PGBD5: variants seen among roughly 807,000 people sequenced by gnomAD.
PGBD5 encodes the protein piggyBac transposable element derived 5.
In PGBD5, 14 loss-of-function variants were observed where a neutral mutation model predicts 47.9. The observed-to-expected ratio is 0.29, with a 90% CI of 0.19 to 0.46. The LOEUF is 0.46. Ranked by LOEUF, PGBD5 falls within the 20% of genes least tolerant of loss-of-function variation. The pLI is 1.00. For missense variants in PGBD5, 635 were observed against 716.0 expected (o/e 0.89, Z 1.29); for synonymous variants, 316 against 306.3 (o/e 1.03, Z -0.33).
chr1:230,333,516 A>T (rs1667256399), intron 4 of PGBD5, among the ~76,000 whole-genome samples: 2 of 152,198 alleles, frequency 1.3e-5, no homozygotes, highest in South Asian at 4.1e-4. Context: ...AAAGACAGGC[A>T]TGAAGCCCAG....
Position 230,335,869 on chromosome 1 carries a change from G to GACACAGA in PGBD5, c.1075+1238_1075+1239insTCTGTGT, listed in dbSNP as rs1558192922. The stretch of plus-strand genomic sequence containing the variant: ...CAGACACACAGATACACACACAGAT[G>GACACAGA]CATACACGGACACACAGATGCATAC... On this transcript the variant is annotated intron_variant, in intron 4 of 6. Coordinates refer to ENST00000391860, the MANE Select transcript of PGBD5 (RefSeq NM_001258311.2). Among the ~76,000 whole-genome samples, 7 of 5,626 alleles carry GACACAGA rather than the reference G, an allele frequency of 1.2e-3. 3 individuals carry two copies. Among genetic ancestry groups the GACACAGA allele is most frequent in the Non-Finnish European group, 8.6e-3 (6 of 694 alleles). The allele number at this position is 5,626 out of a possible 152,430, so 3.7% of individuals were successfully genotyped here. A position where few individuals can be genotyped will look rare whatever the true frequency, so the allele number is the denominator to read the frequency against.
At chr1:230,335,069 GCACA>G (rs1174274316) in intron 4 of PGBD5, among the ~76,000 whole-genome samples, 6 of 133,736 alleles carry the variant, frequency 4.5e-5, no homozygotes, top group Non-Finnish European at 9.5e-5. Context: ...AAACACAGAT[GCACA>G]CACAGACACA....
intron 1 of PGBD5, among the ~76,000 whole-genome samples, chr1:230,358,399 C>T (rs1667691334): frequency 6.6e-6 from 1 of 152,162 alleles, no homozygotes; most frequent in Admixed American, 6.6e-5. Flanking sequence ...AAGTAAAACG[C>T]TTTCATCACT....
rs370643727 is a variant in PGBD5, at chr1:230,425,255, G to A, written c.331+343C>T. On this transcript the variant is annotated intron_variant, in intron 1 of 6. Transcript: ENST00000391860. This position sits in a 1 kb window ranked among gnomAD's most constrained non-coding sequence, Gnocchi z 4.7. ...GCTTTCAGAAAAGCCCCCTCAACTA[G>A]GAAAGCCTAACTTCAATCCACCCCT... 2.5e-4 allele frequency among the ~76,000 whole-genome samples: 38 copies of A among 152,200 alleles called. No homozygotes were observed. The highest frequency in any genetic ancestry group is 9.2e-4 in the African/African-American group (38 of 41,520).
intron 1 of PGBD5, among the ~76,000 whole-genome samples, chr1:230,358,524 A>G (rs1667693450): frequency 6.6e-6 from 1 of 152,126 alleles, no homozygotes; most frequent in Non-Finnish European, 1.5e-5. Context: ...ATAATTTCAC[A>G]TATAGGATAA....
rs191856617 is a variant in PGBD5 at position 230,389,374 on chromosome 1, T to C, written c.332-32053A>G. Reference sequence around the variant, plus strand: ...TTTTGGTAGAGACGGGGTTTCACCATGTTGGCCAGTCTGGTCTCGGACTCC... The same window carrying C: ...TTTTGGTAGAGACGGGGTTTCACCACGTTGGCCAGTCTGGTCTCGGACTCC... On this transcript the variant is annotated intron_variant, in intron 1 of 6. Coordinates refer to ENST00000391860, the MANE Select transcript of PGBD5 (RefSeq NM_001258311.2). 4.1e-3 allele frequency among the ~76,000 whole-genome samples: 623 copies of C among 152,138 alleles called. 4 individuals are homozygous for C. Among genetic ancestry groups the C allele is most frequent in the African/African-American group, 0.012 (514 of 41,510 alleles).
At position 230,413,647 on chromosome 1, in the gene PGBD5, G is replaced by T. The variant is rs142799496; in HGVS notation, c.331+11951C>A. 4.2e-3 allele frequency among the ~76,000 whole-genome samples: 644 copies of T among 152,140 alleles called. 5 individuals carry two copies. The highest frequency in any genetic ancestry group is 4.5e-3 in the Non-Finnish European group (307 of 67,994). On this transcript the variant is annotated intron_variant, in intron 1 of 6. Transcript: ENST00000391860. ...GCATGAAACTTCATGTCATCCTTTG[G>T]TTTCCCTTGGTACCATCTGCATCTA...
chr1:230,325,818 A>G (rs1051302221), intron 5 of PGBD5, among the ~76,000 whole-genome samples: 6 of 151,948 alleles, frequency 3.9e-5, no homozygotes, highest in Non-Finnish European at 8.8e-5. Context: ...GAGGGATGCT[A>G]GGAAGAAGAG....
intron 4 of PGBD5, among the ~76,000 whole-genome samples, chr1:230,333,553 C>T (rs1558191818): frequency 6.6e-6 from 1 of 152,186 alleles, no homozygotes; most frequent in African/African-American, 2.4e-5. Context: ...AACCTGGCCA[C>T]GGTTACATCA....
At chr1:230,412,016 C>A (rs1657419890) in intron 1 of PGBD5, among the ~76,000 whole-genome samples, 1 of 152,126 alleles carries the variant, frequency 6.6e-6, no homozygotes. Context: ...AAGAAAAACC[C>A]TACACATGTA....
At chr1:230,403,173 C>T (rs977052163) in intron 1 of PGBD5, among the ~76,000 whole-genome samples, 2 of 152,358 alleles carry the variant, frequency 1.3e-5, no homozygotes, top group African/African-American at 4.8e-5. Context: ...GACCAAAGCA[C>T]ACCCCATTCA....
At chr1:230,394,342 TGAG>T (rs1158114140) in intron 1 of PGBD5, among the ~76,000 whole-genome samples, 3 of 151,780 alleles carry the variant, frequency 2.0e-5, no homozygotes, top group African/African-American at 7.3e-5. Context: ...TTTTCGAGTA[TGAG>T]GAGGGGGAGC....
chr1:230,342,904 A>G (rs1667428559), intron 3 of PGBD5, among the ~76,000 whole-genome samples: 1 of 152,234 alleles, frequency 6.6e-6, no homozygotes, highest in South Asian at 2.1e-4. Context: ...GCCCGCAGCC[A>G]CACTGGTCAC....
rs374346703 is a variant in PGBD5, at chr1:230,362,400, G to C, written c.332-5079C>G. On this transcript the variant is annotated intron_variant, in intron 1 of 6. Coordinates refer to ENST00000391860, the MANE Select transcript of PGBD5 (RefSeq NM_001258311.2). ...GGCCTGGATGACAGACAGTTGTGGA[G>C]GCTTGCCGGGGAAGCCTGTGTCAGA... 3.7e-6 allele frequency: 5 copies of C among 1,353,882 alleles called. No homozygotes were observed. In the South Asian group the frequency reaches 4.6e-5, roughly 13 times the overall value. 83.9% of individuals were successfully genotyped at this position (1,353,882 alleles called of 1,614,324 possible).
At chr1:230,347,487 T>TA (rs1667493221) in intron 3 of PGBD5, among the ~76,000 whole-genome samples, 1 of 148,254 alleles carries the variant, frequency 6.7e-6, no homozygotes, top group East Asian at 1.9e-4. Flanking sequence ...TTTTTTTTTT[T>TA]TTTTTTTTTG....
intron 1 of PGBD5, among the ~76,000 whole-genome samples, chr1:230,371,439 G>A (rs923337639): frequency 5.3e-5 from 8 of 152,076 alleles, no homozygotes; most frequent in Admixed American, 2.0e-4. Flanking sequence ...ATTCAATCAG[G>A]GCTACTAAGA....
intron 1 of PGBD5, among the ~76,000 whole-genome samples, chr1:230,366,340 G>A (rs747064739): frequency 3.5e-5 from 5 of 143,186 alleles, no homozygotes; most frequent in Non-Finnish European, 6.2e-5. Flanking sequence ...GATGGGGCTG[G>A]GGGGTGGTGG....
chr1:230,349,400 T>C (rs1460536342), intron 3 of PGBD5, among the ~76,000 whole-genome samples: 1 of 152,052 alleles, frequency 6.6e-6, no homozygotes, highest in Non-Finnish European at 1.5e-5. Context: ...CCAGGAATGG[T>C]GTCACATGTC....
chr1:230,380,946 C>G (rs1168616753), intron 1 of PGBD5, among the ~76,000 whole-genome samples: 1 of 152,216 alleles, frequency 6.6e-6, no homozygotes, highest in Non-Finnish European at 1.5e-5. Flanking sequence ...CCTGTGGACA[C>G]GGATGGCTCT....
Sources: gnomAD v4.1 joint callset for allele counts (sites outside exome capture counted in the v4.1 genomes callset) on GRCh38, gnomAD v4.1.1 for gene constraint, Gnocchi (gnomAD v3.1) non-coding constraint, MANE v1.5 for transcripts, NCBI Gene and HGNC (gene_info 2026-07-23, HGNC 2026-07-21) for gene names.